The following ANKDD1B variants were observed in gnomAD, a reference collection of about 807,000 sequenced individuals.
ANKDD1B encodes the protein ankyrin repeat and death domain containing 1B.
In ANKDD1B, 57 loss-of-function variants were observed where a neutral mutation model predicts 59.7. The ratio of observed to expected loss-of-function variants is 0.95; its 90% CI spans 0.77 to 1.19. The LOEUF is 1.19. Among genes scored for constraint, ANKDD1B ranks in the 50% most tolerant of loss-of-function variants. The pLI is 0.00. For synonymous variants in ANKDD1B, 216 were observed against 239.5 expected, an observed-to-expected ratio of 0.90 and a Z score of 0.91; for missense variants, 602 against 641.9, an observed-to-expected ratio of 0.94 and a Z score of 0.67.
intron 7 of ANKDD1B, among the ~76,000 whole-genome samples, chr5:75,640,524 TAGAG>T (rs1368545829): frequency 6.6e-6 from 1 of 152,242 alleles, no homozygotes; most frequent in Non-Finnish European, 1.5e-5. Context: ...ACAAAAGGCA[TAGAG>T]AAAGCATGTT....
At position 75,669,288 on chromosome 5, in the gene ANKDD1B, T is replaced by G; in HGVS notation, c.1430T>G (p.Leu477Arg). Residue 477 changes from leucine (L) to arginine (R), a missense_variant, in exon 13 of 14, where the codon CTG becomes CGG. Physicochemically the swap from Leu to Arg is moderately radical, Grantham distance 102. Around this residue, in one of 3 missense-constraint regions of ANKDD1B, gnomAD observed 280 missense variants for 319.8 expected, o/e 0.88. Transcript: ENST00000601380. ...ESFREHGHRA[L>R]LIWLHGTLMT... ...TTCCGTGAACATGGCCACAGGGCTC[T>G]GCTTATCTGGCTACACGGGACCCTG... 8.1e-7 allele frequency: 1 copy of G among 1,232,186 alleles called. No homozygotes were observed. The highest frequency in any genetic ancestry group is 3.2e-5 in the East Asian group (1 of 31,716). The allele number at this position is 1,232,186 out of a possible 1,614,324, so 76.3% of individuals were successfully genotyped here. A position where few individuals can be genotyped will look rare whatever the true frequency, so the allele number is the denominator to read the frequency against.
At chr5:75,655,479 A>T (rs1189567575) in intron 8 of ANKDD1B, among the ~76,000 whole-genome samples, 1 of 151,980 alleles carries the variant, frequency 6.6e-6, no homozygotes, top group Admixed American at 6.6e-5. Context: ...CCTTGTGGCT[A>T]CTCTTATTGC....
chr5:75,633,282 C>T (rs1051188401), intron 5 of ANKDD1B, among the ~76,000 whole-genome samples: 1 of 151,872 alleles, frequency 6.6e-6, no homozygotes, highest in African/African-American at 2.4e-5. Flanking sequence ...ACATATGTGG[C>T]CCAAGAATGA....
At chr5:75,655,913 G>A in intron 8 of ANKDD1B, 116 bp from the exon 9 acceptor site, 1 of 587,062 alleles carries the variant, frequency 1.7e-6, no homozygotes, top group Middle Eastern at 3.9e-4. Flanking sequence ...CCACTGGGAT[G>A]GGCAGTTTCG....
chr5:75,623,004 T>A (rs1445796439), intron 3 of ANKDD1B, among the ~76,000 whole-genome samples: 4 of 152,180 alleles, frequency 2.6e-5, no homozygotes, highest in Non-Finnish European at 4.4e-5. Context: ...TGCTTTGAAA[T>A]TAGGAATTAC....
intron 1 of ANKDD1B, among the ~76,000 whole-genome samples, chr5:75,612,329 C>CCCCGCCCCCGCCCTCCGCCCCG: frequency 1.2e-5 from 1 of 86,536 alleles, no homozygotes; most frequent in Non-Finnish European, 2.7e-5. Context: ...CCCCCCCCCG[C>CCCCGCCCCCGCCCTCCGCCCCG]CCTCCGCCCC....
chr5:75,620,759 C>T (rs1179308083), intron 3 of ANKDD1B, among the ~76,000 whole-genome samples: 1 of 152,162 alleles, frequency 6.6e-6, no homozygotes, highest in African/African-American at 2.4e-5. Context: ...ATTGACTTTG[C>T]TCTATGAACT....
intron 7 of ANKDD1B, among the ~76,000 whole-genome samples, chr5:75,648,340 C>G (rs1173036510): frequency 6.6e-6 from 1 of 151,152 alleles, no homozygotes; most frequent in Non-Finnish European, 1.5e-5. Flanking sequence ...AGCTGTGCCT[C>G]TACAGTCATT....
intron 5 of ANKDD1B, among the ~76,000 whole-genome samples, chr5:75,632,336 G>T (rs952530180): frequency 9.2e-5 from 14 of 152,156 alleles, no homozygotes; most frequent in African/African-American, 3.1e-4. Context: ...TGTCAGCAGG[G>T]CTCTTTATCT....
At chr5:75,622,907 T>A (rs1773892298) in intron 3 of ANKDD1B, among the ~76,000 whole-genome samples, 1 of 152,192 alleles carries the variant, frequency 6.6e-6, no homozygotes, top group South Asian at 2.1e-4. Context: ...ACTCTGAGTT[T>A]GTGGTTTTAG....
At chr5:75,670,069 C>T (rs1775433159) in intron 13 of ANKDD1B, among the ~76,000 whole-genome samples, 1 of 152,186 alleles carries the variant, frequency 6.6e-6, no homozygotes, top group Non-Finnish European at 1.5e-5. Context: ...TAGTTTCCAG[C>T]AGTAGTAGGT....
chr5:75,651,581 CTG>C (rs1774833398), intron 7 of ANKDD1B, among the ~76,000 whole-genome samples: 3 of 152,196 alleles, frequency 2.0e-5, no homozygotes, highest in African/African-American at 7.2e-5. Context: ...ACAGGGGAGA[CTG>C]GCAGTAAACA....
At chr5:75,648,278 A>AAATTAAAAAAAG (rs1554068914) in intron 7 of ANKDD1B, among the ~76,000 whole-genome samples, 2 of 150,074 alleles carry the variant, frequency 1.3e-5, no homozygotes, top group Non-Finnish European at 3.0e-5. Context: ...AAAAAAAAAA[A>AAATTAAAAAAAG]AAAAAGAATT....
chr5:75,669,478 G>A (rs1014813010), intron 13 of ANKDD1B, 95 bp downstream of exon 13: 7 of 1,120,962 alleles, frequency 6.2e-6, no homozygotes, highest in Admixed American at 8.5e-5. Context: ...CAGCCCCAGC[G>A]TGGTGTTAGC....
chr5:75,663,173 G>A (rs1437499263), intron 10 of ANKDD1B, among the ~76,000 whole-genome samples: 1 of 152,096 alleles, frequency 6.6e-6, no homozygotes, highest in Non-Finnish European at 1.5e-5. Flanking sequence ...AAATATTCAG[G>A]GTGGCACAGG....
chr5:75,630,416 C>G (rs995964215), intron 5 of ANKDD1B, among the ~76,000 whole-genome samples: 3 of 151,860 alleles, frequency 2.0e-5, no homozygotes, highest in Non-Finnish European at 4.4e-5. Context: ...CATCTTTTTC[C>G]TGGACGATAA....
intron 3 of ANKDD1B, among the ~76,000 whole-genome samples, chr5:75,621,564 G>T (rs1035176020): frequency 1.3e-5 from 2 of 152,124 alleles, no homozygotes; most frequent in Non-Finnish European, 2.9e-5. Context: ...GGCAGAGACA[G>T]AGTGGACTGT....
In ANKDD1B at chr5:75,666,902, C is replaced by T. The variant is rs914997055; in HGVS notation, c.1302C>T (p.Tyr434=). 5 of 1,533,642 alleles carry T rather than the reference C, an allele frequency of 3.3e-6. No homozygotes were observed. The African/African-American group carries it at 5.5e-5, about 17-fold the overall frequency. The change falls in exon 12 of 14, where the codon TAC becomes TAT. Residue 434 remains tyrosine (Y), a synonymous_variant. Coordinates refer to ENST00000601380, the MANE Select transcript of ANKDD1B (RefSeq NM_001276713.2). ...GCACGCTTCTCTGGGACCTGGCTTA[C>T]CATCAGCTGAAGGCCAATGAGTGGC... ...HIRTLLWDLA[Y]HQLKANEWQR...
intron 7 of ANKDD1B, among the ~76,000 whole-genome samples, chr5:75,650,610 A>G (rs1433414693): frequency 1.3e-5 from 2 of 152,184 alleles, no homozygotes; most frequent in Non-Finnish European, 2.9e-5. Context: ...CCATTTTTAC[A>G]GGCAAAGACA....
Sources: allele counts gnomAD v4.1 joint callset (sites outside exome capture counted in the v4.1 genomes callset), GRCh38; gene constraint gnomAD v4.1.1; regional missense constraint gnomAD v4.1.1; transcripts MANE v1.5; gene names NCBI Gene and HGNC (gene_info 2026-07-23, HGNC 2026-07-21).